The following CUZD1 variants were observed in gnomAD, a reference collection of about 807,000 sequenced individuals.
The protein encoded by CUZD1 is CUB and zona pellucida-like domain-containing protein 1.
In CUZD1, 42 loss-of-function variants were observed where a neutral mutation model predicts 53.1. The ratio of observed to expected loss-of-function variants is 0.79; its 90% CI spans 0.62 to 1.02. The LOEUF is 1.02. CUZD1 is among the 50% of genes least tolerant of loss of function. The probability of loss-of-function intolerance (pLI) is 0.00; values close to 1 mark genes in which losing one functional copy is unlikely to be tolerated. For synonymous variants in CUZD1, 238 were observed against 257.2 expected, an observed-to-expected ratio of 0.93 and a Z score of 0.71; for missense variants, 670 against 715.7, an observed-to-expected ratio of 0.94 and a Z score of 0.73.
At chr10:122,839,960 C>A (rs970116513) in intron 2 of CUZD1, among the ~76,000 whole-genome samples, 2 of 152,174 alleles carry the variant, frequency 1.3e-5, no homozygotes, top group Non-Finnish European at 2.9e-5. Flanking sequence ...GATATCACAG[C>A]CTACTTCTCA....
rs1405283434 is a variant in CUZD1, at chr10:122,833,765, T to C, written c.1558A>G (p.Ser520Gly). Residue 520 changes from serine (S) to glycine (G), a missense_variant, in exon 8 of 9, where the codon AGC becomes GGC. Physicochemically the swap from Ser to Gly is moderately conservative, Grantham distance 56 (BLOSUM62 0). Coordinates refer to ENST00000392790, the MANE Select transcript of CUZD1 (RefSeq NM_022034.6). ...TTATATGAAGAAATGTCTCGTTTGC[T>C]TCTGGAGACACAACCTTGATTGCAG... ...SRCNQGCVSRSKRDISSYKWK... is the reference protein window; with the variant it reads ...SRCNQGCVSRGKRDISSYKWK... The C allele has an allele frequency of 6.2e-7, 1 of 1,613,946 alleles. No individual in the cohort carries two copies. Among genetic ancestry groups the C allele is most frequent in the African/African-American group, 1.3e-5 (1 of 74,918 alleles).
At position 122,832,168 on chromosome 10, in the gene CUZD1, TG is replaced by T; in HGVS notation, c.*109del. 9.9e-7 allele frequency: 1 copy of T among 1,006,008 alleles called. No individual in the cohort carries two copies. Among genetic ancestry groups the T allele is most frequent in the Admixed American group, 2.0e-5 (1 of 50,208 alleles). The allele number at this position is 1,006,008 out of a possible 1,614,324, so 62.3% of individuals were successfully genotyped here. On this transcript the variant is annotated 3_prime_UTR_variant, in exon 9 of 9. Coordinates refer to ENST00000392790, the MANE Select transcript of CUZD1 (RefSeq NM_022034.6). ...ACCGACACAGTGACATGCAGGCCTG[TG>T]TGTCACTTTCAGGCCCTTCCTCATT...
chr10:122,836,917 G>A lies in CUZD1; in HGVS notation c.731C>T (p.Thr244Ile). Residue 244 changes from threonine to isoleucine, a missense_variant, in exon 5 of 9, where the codon ACT becomes ATT. Thr to Ile is a moderately conservative substitution (Grantham distance 89, BLOSUM62 -1). Coordinates refer to ENST00000392790, the MANE Select transcript of CUZD1 (RefSeq NM_022034.6). ...GGCATAATCTGTAGACAACACGACAGTCAGAGAGTTTGATGACGATTCGAA... is the reference window on the plus strand; with the variant it reads ...GGCATAATCTGTAGACAACACGACAATCAGAGAGTTTGATGACGATTCGAA... Reference protein sequence around the residue: ...PTFESSSNSLTVVLSTDYANS... With the variant: ...PTFESSSNSLIVVLSTDYANS... 1 of 1,614,120 alleles carries A rather than the reference G, an allele frequency of 6.2e-7. No homozygotes were observed. Among genetic ancestry groups the A allele is most frequent in the Non-Finnish European group, 8.5e-7 (1 of 1,179,954 alleles).
At chr10:122,836,441 T>A in intron 5 of CUZD1, 91 bp from the exon 6 acceptor site, 1 of 1,169,002 alleles carries the variant, frequency 8.6e-7, no homozygotes, top group Non-Finnish European at 1.2e-6. Flanking sequence ...AGTAAATATA[T>A]AAAAAGTCAA....
chr10:122,837,311 G>C, intron 4 of CUZD1, 93 bp downstream of exon 4: 1 of 1,336,002 alleles, frequency 7.5e-7, no homozygotes, highest in East Asian at 2.3e-5. Context: ...CCATATATGA[G>C]AATTACGTAT....
At chr10:122,835,281 T>A (rs1198693497) in intron 6 of CUZD1, among the ~76,000 whole-genome samples, 184 bp from the exon 7 acceptor site, 1 of 152,168 alleles carries the variant, frequency 6.6e-6, no homozygotes, top group Non-Finnish European at 1.5e-5. Context: ...AAAGAAAGTA[T>A]GAGATGAGAA....
chr10:122,833,949 G>C lies in CUZD1; in HGVS notation c.1383-9C>G. The C allele has an allele frequency of 6.2e-7, 1 of 1,607,072 alleles. No individual in the cohort carries two copies. The highest frequency in any genetic ancestry group is 1.1e-5 in the South Asian group (1 of 89,846). On this transcript the variant is annotated splice_polypyrimidine_tract_variant and intron_variant, in intron 7 of 8. Transcript: ENST00000392790. ...TTTCATCTCGACTACATCTGGAACA[G>C]AATTTATGAACATGTTTAGAAGATA...
chr10:122,844,442 A>G (rs1847400659), intron 1 of CUZD1, among the ~76,000 whole-genome samples: 1 of 152,198 alleles, frequency 6.6e-6, no homozygotes, highest in East Asian at 1.9e-4. Context: ...TATACTTTAA[A>G]ATGGTGGATT....
At chr10:122,841,116 T>C in intron 2 of CUZD1, 62 bp downstream of exon 2, 1 of 1,493,302 alleles carries the variant, frequency 6.7e-7, no homozygotes, top group Non-Finnish European at 9.1e-7. Flanking sequence ...AGAGTCCCCC[T>C]ACCCACCCCA....
At position 122,843,811 on chromosome 10, in the gene CUZD1, A is replaced by G. The variant is rs963834983; in HGVS notation, c.82+1951T>C. Among the ~76,000 whole-genome samples the G allele has an allele frequency of 1.2e-3, 87 of 72,432 alleles. 1 individual carries two copies. The highest frequency in any genetic ancestry group is 6.1e-3 in the African/African-American group (83 of 13,514). The allele number at this position is 72,432 out of a possible 152,430, so 47.5% of individuals were successfully genotyped here. On this transcript the variant is annotated intron_variant, in intron 1 of 8. Coordinates refer to ENST00000392790, the MANE Select transcript of CUZD1 (RefSeq NM_022034.6). Reference sequence around the variant, plus strand: ...TTTCTTCATACATATATATACATACATATATATATATATATATATATGTCC... The same window carrying G: ...TTTCTTCATACATATATATACATACGTATATATATATATATATATATGTCC...
At chr10:122,839,948 G>A (rs1021315157) in intron 2 of CUZD1, among the ~76,000 whole-genome samples, 1 of 152,156 alleles carries the variant, frequency 6.6e-6, no homozygotes, top group Non-Finnish European at 1.5e-5. Context: ...CTGTAAAATG[G>A]GGATATCACA....
intron 6 of CUZD1, 21 bp from the exon 7 acceptor site, chr10:122,835,118 C>A: frequency 6.7e-7 from 1 of 1,501,370 alleles, no homozygotes; most frequent in Non-Finnish European, 8.9e-7. Context: ...AGATAGAATT[C>A]AATTTTTATA....
At position 122,839,098 on chromosome 10, in the gene CUZD1, A is replaced by G. The variant is rs543761437; in HGVS notation, c.367T>C (p.Leu123=). ...VPVFESSSST[L]TFQIVTDSAR... is the part of the protein sequence containing the mutation. Reference sequence around the variant, plus strand: ...GAGTCAGTAACTATTTGAAACGTCAATGTACTGGATGATGATTCAAATACA... The same window carrying G: ...GAGTCAGTAACTATTTGAAACGTCAGTGTACTGGATGATGATTCAAATACA... The change falls in exon 3 of 9, where the codon TTG becomes CTG. Residue 123 remains leucine (L), a synonymous_variant. Coordinates refer to ENST00000392790, the MANE Select transcript of CUZD1 (RefSeq NM_022034.6). 111 of 1,614,150 alleles carry G rather than the reference A, an allele frequency of 6.9e-5. 1 individual carries two copies. In the South Asian group the frequency reaches 1.1e-3, roughly 15 times the overall value.
At position 122,834,841 on chromosome 10, in the gene CUZD1, A is replaced by G. The variant is rs536247065; in HGVS notation, c.1247T>C (p.Val416Ala). Residue 416 changes from valine (V) to alanine (A), a missense_variant, in exon 7 of 9, where the codon GTG (valine) becomes GCG (alanine). By Grantham distance (64) the Val-to-Ala change is moderately conservative. Coordinates refer to ENST00000392790, the MANE Select transcript of CUZD1 (RefSeq NM_022034.6). ...AACAAAAAGAGTTTGGTTCAAATCCACATAATATGGTGATTCAAGTATAGT... is the reference window on the plus strand; with the variant it reads ...AACAAAAAGAGTTTGGTTCAAATCCGCATAATATGGTGATTCAAGTATAGT... ...EKTILESPYY[V>A]DLNQTLFVQV... The G allele has an allele frequency of 3.5e-5, 56 of 1,613,912 alleles. No homozygotes were observed. In the Middle Eastern group the frequency reaches 5.0e-4, roughly 14 times the overall value.
chr10:122,841,253 T>C lies in CUZD1; in HGVS notation c.158A>G (p.Asn53Ser), dbSNP rs763055684. 5.6e-6 allele frequency: 9 copies of C among 1,614,080 alleles called. No individual in the cohort carries two copies. Among genetic ancestry groups the C allele is most frequent in the Middle Eastern group, 1.6e-4 (1 of 6,062 alleles). The stretch of plus-strand genomic sequence containing the variant: ...TGTCCAGGTGCAGTTCTCACTGGGA[T>C]TGAGTTGCAGGATCATGGCTTTGTG... ...ETHKAMILQL[N>S]PSENCTWTIE... is the part of the protein sequence containing the mutation. Residue 53 changes from asparagine (N) to serine (S), a missense_variant, in exon 2 of 9, where the codon AAT becomes AGT. Coordinates refer to ENST00000392790, the MANE Select transcript of CUZD1 (RefSeq NM_022034.6).
chr10:122,834,702 A>C lies in CUZD1; in HGVS notation c.1382+4T>G. On this transcript the variant is annotated splice_donor_region_variant and intron_variant, in intron 7 of 8. Transcript: ENST00000392790. ...ATACATACATCAGTTACATTAATAC[A>C]TACCCACTCTTGATTAGGTCGTAGG... is the stretch of plus-strand genomic sequence containing the variant. 6.3e-7 allele frequency: 1 copy of C among 1,584,174 alleles called. No homozygotes were observed. The highest frequency in any genetic ancestry group is 8.6e-7 in the Non-Finnish European group (1 of 1,165,382).
rs34246902 is a variant in CUZD1, at chr10:122,841,318, G to C, written c.93C>G (p.Ser31Arg). The C allele has an allele frequency of 2.1e-3, 3,351 of 1,605,742 alleles. 53 individuals carry two copies. The East Asian group carries it at 0.042, about 20-fold the overall frequency. Residue 31 changes from serine to arginine, a missense_variant, in exon 2 of 9, where the codon AGC becomes AGG. Coordinates refer to ENST00000392790, the MANE Select transcript of CUZD1 (RefSeq NM_022034.6). ...TGGCACCCCCTAGACTGACTGTGCA[G>C]CTTGCATTGCCTGTTAGAGATCACA... is the stretch of plus-strand genomic sequence containing the variant. Reference protein sequence around the residue: ...LTMAEAEGNASCTVSLGGANM... With the variant: ...LTMAEAEGNARCTVSLGGANM...
chr10:122,843,621 C>T (rs1398429896), intron 1 of CUZD1, among the ~76,000 whole-genome samples: 3 of 151,842 alleles, frequency 2.0e-5, no homozygotes, highest in South Asian at 2.1e-4. Flanking sequence ...ACAATACATA[C>T]GAACCTTGAA....
intron 1 of CUZD1, among the ~76,000 whole-genome samples, chr10:122,843,992 A>G (rs899002125): frequency 1.3e-5 from 2 of 148,334 alleles, no homozygotes; most frequent in African/African-American, 4.9e-5. Flanking sequence ...GACTATAGAG[A>G]GACTATATAT....
Sources: gnomAD v4.1 joint callset for allele counts (sites outside exome capture counted in the v4.1 genomes callset) on GRCh38, gnomAD v4.1.1 for gene constraint, MANE v1.5 for transcripts, NCBI Gene and HGNC (gene_info 2026-07-23, HGNC 2026-07-21) for gene names.